Variants in LRRC7 observed in about 807,000 individuals in gnomAD.
LRRC7 encodes leucine rich repeat containing 7.
LRRC7 carries 23 observed loss-of-function variants against 175.7 expected under a neutral mutation model. That is an observed-to-expected ratio of 0.13 (90% CI 0.09 to 0.19). LRRC7 has a LOEUF of 0.19. Ranked by LOEUF, LRRC7 falls within the 10% of genes least tolerant of loss-of-function variation. The pLI is 1.00. For missense variants in LRRC7, 1,354 were observed against 1,904.7 expected (o/e 0.71, Z 5.38); for synonymous variants, 685 against 680.9 (o/e 1.01, Z -0.09).
At chr1:69,671,884 G>A (rs1659127896) in intron 1 of LRRC7, among the ~76,000 whole-genome samples, 1 of 152,152 alleles carries the variant, frequency 6.6e-6, no homozygotes, top group Admixed American at 6.5e-5. Context: ...GGGGGATGGG[G>A]CAGAGTAATG....
chr1:69,862,637 T>C (rs962895980), intron 7 of LRRC7, among the ~76,000 whole-genome samples: 3 of 152,192 alleles, frequency 2.0e-5, no homozygotes, highest in African/African-American at 7.2e-5. Flanking sequence ...CTAAAGATAT[T>C]GCCAGTTAAA....
Position 70,123,595 on chromosome 1 carries a change from T to C in LRRC7, c.*1708T>C, listed in dbSNP as rs1280006257. 6.6e-6 allele frequency: 1 copy of C among 152,208 alleles called. No individual in the cohort carries two copies. The highest frequency in any genetic ancestry group is 1.5e-5 in the Non-Finnish European group (1 of 68,002). 9.4% of individuals were successfully genotyped at this position (152,208 alleles called of 1,614,324 possible). A position where few individuals can be genotyped will look rare whatever the true frequency, so the allele number is the denominator to read the frequency against. ...ATGTTGCTTTATGTCAGGGTGACAT[T>C]ATACCATGATTTTATAGGGTTTGAC... On this transcript the variant is annotated 3_prime_UTR_variant, in exon 27 of 27. Coordinates refer to ENST00000651989, the MANE Select transcript of LRRC7 (RefSeq NM_001370785.2).
At chr1:69,935,906 G>A (rs1183241623) in intron 8 of LRRC7, among the ~76,000 whole-genome samples, 2 of 151,956 alleles carry the variant, frequency 1.3e-5, no homozygotes, top group Non-Finnish European at 2.9e-5. Context: ...GCCAAAACGT[G>A]TTTTTCATAT....
chr1:70,036,169 C>A lies in LRRC7; in HGVS notation c.2044C>A (p.Pro682Thr), dbSNP rs1659291156. The A allele has an allele frequency of 6.2e-7, 1 of 1,613,264 alleles. No homozygotes were observed. Among genetic ancestry groups the A allele is most frequent in the East Asian group, 2.2e-5 (1 of 44,836 alleles). ...TGAAATGAGGATTGGGGAACTTCAC[C>A]CTTCATTAGCTGAGACCCCTCTGTA... ...ANEMRIGELH[P>T]SLAETPLYPP... is the part of the protein sequence containing the mutation. Residue 682 changes from proline (P) to threonine (T), a missense_variant, in exon 19 of 27, where the codon CCT becomes ACT. Pro to Thr is a conservative substitution (Grantham distance 38). Around this residue, in one of 4 missense-constraint regions of LRRC7, gnomAD observed 1,032 missense variants for 1,227.2 expected, o/e 0.84. Coordinates refer to ENST00000651989, the MANE Select transcript of LRRC7 (RefSeq NM_001370785.2).
intron 3 of LRRC7, among the ~76,000 whole-genome samples, chr1:69,775,292 A>T (rs1557710110): frequency 6.6e-6 from 1 of 152,210 alleles, no homozygotes; most frequent in Non-Finnish European, 1.5e-5. Context: ...TACTTCTTTT[A>T]ATAGTTGTTA....
At chr1:69,841,438 T>C (rs1681718491) in intron 7 of LRRC7, among the ~76,000 whole-genome samples, 1 of 152,040 alleles carries the variant, frequency 6.6e-6, no homozygotes, top group Non-Finnish European at 1.5e-5. Flanking sequence ...AGACTATAAA[T>C]ACCAGGAGAC....
intron 4 of LRRC7, among the ~76,000 whole-genome samples, chr1:69,806,126 C>T (rs1045476824): frequency 4.0e-5 from 6 of 151,896 alleles, no homozygotes; most frequent in Non-Finnish European, 8.8e-5. Context: ...CAAGAATGAA[C>T]GTTACCTTGT....
At chr1:69,788,586 G>T (rs1674761925) in intron 3 of LRRC7, among the ~76,000 whole-genome samples, 1 of 152,162 alleles carries the variant, frequency 6.6e-6, no homozygotes, top group Non-Finnish European at 1.5e-5. Flanking sequence ...TCTGAAACTA[G>T]CTTGAGCTAC....
At position 69,760,248 on chromosome 1, in the gene LRRC7, G is replaced by A. The variant is rs2100936998; in HGVS notation, c.158G>A (p.Arg53Gln). ...ATCATCGGCCGTCTGGTGCCATGCC[G>A]ATGTTTCCGAGGTGAAGAAGAAATC... ...RKIIGRLVPC[R>Q]CFRGEEEIIS... The change falls in exon 3 of 27, where the codon CGA becomes CAA. Residue 53 changes from arginine (R) to glutamine (Q), a missense_variant. By Grantham distance (43) the Arg-to-Gln change is conservative. Transcript: ENST00000651989. 2 of 1,612,758 alleles carry A rather than the reference G, an allele frequency of 1.2e-6. No individual in the cohort carries two copies. The highest frequency in any genetic ancestry group is 1.7e-6 in the Non-Finnish European group (2 of 1,179,274).
At chr1:69,725,639 T>C (rs552528566) in intron 2 of LRRC7, among the ~76,000 whole-genome samples, 2 of 152,242 alleles carry the variant, frequency 1.3e-5, no homozygotes, top group East Asian at 3.9e-4. Context: ...TTTAATATGA[T>C]TAGAGGAAGT....
intron 3 of LRRC7, among the ~76,000 whole-genome samples, chr1:69,769,466 G>A (rs1287725746): frequency 6.6e-6 from 1 of 152,070 alleles, no homozygotes. Context: ...GATCTCATAT[G>A]ACAGGTCATA....
intron 4 of LRRC7, among the ~76,000 whole-genome samples, chr1:69,823,990 T>C (rs1266425956): frequency 9.9e-5 from 15 of 152,178 alleles, no homozygotes; most frequent in South Asian, 4.1e-4. Context: ...ATTTAAACTG[T>C]AAACAATATA....
chr1:69,582,990 G>A (rs899104226), intron 1 of LRRC7, among the ~76,000 whole-genome samples: 1 of 151,962 alleles, frequency 6.6e-6, no homozygotes, highest in African/African-American at 2.4e-5. Context: ...TTAAAATTTA[G>A]ATATTAATCT....
At chr1:69,803,683 C>T (rs1008394302) in intron 4 of LRRC7, among the ~76,000 whole-genome samples, 1 of 151,304 alleles carries the variant, frequency 6.6e-6, no homozygotes. Flanking sequence ...CTACCTGTGA[C>T]AATATCCTTT....
intron 8 of LRRC7, among the ~76,000 whole-genome samples, chr1:69,970,808 C>T (rs192142736): frequency 6.6e-6 from 1 of 152,134 alleles, no homozygotes; most frequent in East Asian, 1.9e-4. Context: ...ATACCAAAAC[C>T]AGGAAAGGAC....
chr1:69,685,111 A>G (rs1381082759), intron 2 of LRRC7, among the ~76,000 whole-genome samples: 1 of 152,214 alleles, frequency 6.6e-6, no homozygotes, highest in Non-Finnish European at 1.5e-5. Flanking sequence ...GAGTTTTAGC[A>G]GAAGCCCCGA....
At chr1:69,953,448 T>C (rs190209620) in intron 8 of LRRC7, among the ~76,000 whole-genome samples, 178 of 152,154 alleles carry the variant, frequency 1.2e-3, no homozygotes, top group African/African-American at 3.9e-3. Context: ...CCTTATGTCT[T>C]AGTTGTCCCT....
At chr1:69,980,602 A>ATTT in intron 9 of LRRC7, 149 bp downstream of exon 9, 2 of 490,396 alleles carry the variant, frequency 4.1e-6, no homozygotes, top group Non-Finnish European at 3.5e-6. Context: ...TGTTTTCACC[A>ATTT]TTTTTTTTTT....
At chr1:69,871,114 T>C (rs1394350644) in intron 7 of LRRC7, among the ~76,000 whole-genome samples, 1 of 152,114 alleles carries the variant, frequency 6.6e-6, no homozygotes, top group Non-Finnish European at 1.5e-5. Context: ...ATACAATGTA[T>C]TTTAAGAATA....
Sources: gnomAD v4.1 joint callset for allele counts (sites outside exome capture counted in the v4.1 genomes callset) on GRCh38, gnomAD v4.1.1 for gene constraint, gnomAD v4.1.1 regional missense constraint, MANE v1.5 for transcripts, NCBI Gene and HGNC (gene_info 2026-07-23, HGNC 2026-07-21) for gene names.